Variants in HS6ST3 observed in about 807,000 individuals in gnomAD.
The protein encoded by HS6ST3 is heparan sulfate 6-O-sulfotransferase 3.
In HS6ST3, 12 loss-of-function variants were observed where a neutral mutation model predicts 36.7. That is an observed-to-expected ratio of 0.33 (90% CI 0.21 to 0.53). The LOEUF is 0.53. Among genes scored for constraint, HS6ST3 ranks in the 20% least tolerant of loss-of-function variants. HS6ST3 has a pLI of 0.95. For synonymous variants in HS6ST3, 240 were observed against 257.5 expected, an observed-to-expected ratio of 0.93 and a Z score of 0.65; for missense variants, 584 against 640.9, an observed-to-expected ratio of 0.91 and a Z score of 0.96.
intron 1 of HS6ST3, among the ~76,000 whole-genome samples, chr13:96,766,897 C>CA (rs957526629): frequency 2.6e-5 from 4 of 152,184 alleles, no homozygotes; most frequent in Non-Finnish European, 5.9e-5. Context: ...ATAAAATTAA[C>CA]AAACAGGCTC....
intron 1 of HS6ST3, among the ~76,000 whole-genome samples, chr13:96,198,263 C>T (rs2054323959): frequency 6.6e-6 from 1 of 152,140 alleles, no homozygotes; most frequent in Non-Finnish European, 1.5e-5. Context: ...ACCGCTTTTT[C>T]CTCCTGGGCC....
chr13:96,103,994 GAAAA>G, intron 1 of HS6ST3, among the ~76,000 whole-genome samples: 1 of 149,326 alleles, frequency 6.7e-6, no homozygotes. Flanking sequence ...ACCCTTTTGA[GAAAA>G]TTATCATGAA....
chr13:96,716,693 T>C (rs1184730365), intron 1 of HS6ST3, among the ~76,000 whole-genome samples: 1 of 152,224 alleles, frequency 6.6e-6, no homozygotes, highest in East Asian at 1.9e-4. Flanking sequence ...TCCATCCATC[T>C]ATATAATCTA....
At chr13:96,182,633 C>A (rs1437848675) in intron 1 of HS6ST3, among the ~76,000 whole-genome samples, 2 of 152,102 alleles carry the variant, frequency 1.3e-5, no homozygotes, top group Non-Finnish European at 2.9e-5. Flanking sequence ...TTGTTCAGTA[C>A]CTGTTATGAA....
chr13:96,524,596 C>T (rs557074139), intron 1 of HS6ST3, among the ~76,000 whole-genome samples: 2 of 152,354 alleles, frequency 1.3e-5, no homozygotes, highest in East Asian at 3.9e-4. Context: ...GCAGATGCCC[C>T]TTCCCCCACC....
intron 1 of HS6ST3, among the ~76,000 whole-genome samples, chr13:96,740,346 C>T (rs971393764): frequency 1.3e-5 from 2 of 152,072 alleles, no homozygotes; most frequent in Admixed American, 6.6e-5. Context: ...CACAAAGGCT[C>T]CTCTCTGGAG....
intron 1 of HS6ST3, among the ~76,000 whole-genome samples, chr13:96,438,496 T>G (rs569102196): frequency 6.6e-6 from 1 of 152,326 alleles, no homozygotes; most frequent in Non-Finnish European, 1.5e-5. Context: ...TGGTGTTCTG[T>G]CTCTCTCTAC....
chr13:96,364,702 G>A (rs939447875), intron 1 of HS6ST3, among the ~76,000 whole-genome samples: 4 of 152,208 alleles, frequency 2.6e-5, no homozygotes, highest in African/African-American at 9.6e-5. Context: ...GTTGCATAAT[G>A]TTGTGAATGT....
chr13:96,338,780 C>G (rs1351427314), intron 1 of HS6ST3, among the ~76,000 whole-genome samples: 1 of 152,100 alleles, frequency 6.6e-6, no homozygotes, highest in Non-Finnish European at 1.5e-5. Context: ...CCTTTGGTGC[C>G]CCTTTCTCGT....
At chr13:96,641,549 A>AT (rs1313135430) in intron 1 of HS6ST3, among the ~76,000 whole-genome samples, 2 of 151,562 alleles carry the variant, frequency 1.3e-5, no homozygotes, top group East Asian at 1.9e-4. Context: ...CCATTTTGCT[A>AT]TTTTTTTCTA....
intron 1 of HS6ST3, among the ~76,000 whole-genome samples, chr13:96,133,810 A>G (rs1369730179): frequency 3.3e-5 from 5 of 150,068 alleles, no homozygotes; most frequent in African/African-American, 1.2e-4. Context: ...GACAAAAAAA[A>G]TCATTGTCCA....
intron 1 of HS6ST3, among the ~76,000 whole-genome samples, chr13:96,706,508 C>G (rs888871701): frequency 5.4e-5 from 8 of 148,918 alleles, no homozygotes; most frequent in African/African-American, 2.0e-4. Context: ...TATTGAGGCT[C>G]TCAGGAGGTG....
rs751925902 is a variant in HS6ST3 at position 96,832,953 on chromosome 13, G to A, written c.1171G>A (p.Glu391Lys). ...GCGGGCTTCTAACGTGGAGATCAAC[G>A]AGGGTGCCCGCCAACGCATTGAGGA... ...ITRASNVEIN[E>K]GARQRIEDLN... Residue 391 changes from glutamate (E) to lysine (K), a missense_variant, in exon 2 of 2, where the codon GAG becomes AAG. Glu to Lys is a moderately conservative substitution (Grantham distance 56). Around this residue, in one of 3 missense-constraint regions of HS6ST3, gnomAD observed 360 missense variants for 411.3 expected, o/e 0.88. Transcript: ENST00000376705. 103 of 1,614,024 alleles carry A rather than the reference G, an allele frequency of 6.4e-5. No homozygotes were observed. The highest frequency in any genetic ancestry group is 1.6e-4 in the Middle Eastern group (1 of 6,084).
chr13:96,160,880 G>A (rs1165923481), intron 1 of HS6ST3, among the ~76,000 whole-genome samples: 1 of 152,212 alleles, frequency 6.6e-6, no homozygotes, highest in African/African-American at 2.4e-5. Flanking sequence ...GGCCCTGGGA[G>A]CTTCTCACAA....
intron 1 of HS6ST3, among the ~76,000 whole-genome samples, chr13:96,407,549 A>G (rs142754815): frequency 6.6e-6 from 1 of 152,336 alleles, no homozygotes; most frequent in African/African-American, 2.4e-5. Flanking sequence ...GATAGGTTGT[A>G]TTCACATTGA....
rs369254508 is a variant in HS6ST3, at chr13:96,264,980, A to T, written c.707+173411A>T. ...TGTATCAAATTCCCAACCCAAAGAC[A>T]TTATATAAATATAGAATGACATTGT... is the stretch of plus-strand genomic sequence containing the variant. On this transcript the variant is annotated intron_variant, in intron 1 of 1. Transcript: ENST00000376705. Among the ~76,000 whole-genome samples the T allele has an allele frequency of 3.9e-5, 6 of 152,272 alleles. No homozygotes were observed. In the East Asian group the frequency reaches 1.2e-3, roughly 29 times the overall value.
intron 1 of HS6ST3, among the ~76,000 whole-genome samples, chr13:96,118,688 ATTTTTTTTTTTTTTTTTTT>A (rs149786144): frequency 1.6e-4 from 5 of 31,176 alleles, no homozygotes; most frequent in African/African-American, 6.6e-4. Flanking sequence ...ATATATATAT[ATTTTTTTTTTTTTTTTTTT>A]TTTTTTTTTT....
intron 1 of HS6ST3, among the ~76,000 whole-genome samples, chr13:96,810,155 T>C (rs971976476): frequency 2.6e-5 from 4 of 152,196 alleles, no homozygotes; most frequent in African/African-American, 9.7e-5. Flanking sequence ...CACCCCAGCC[T>C]CCCGGGCAGC....
At chr13:96,728,692 T>A (rs1353406894) in intron 1 of HS6ST3, among the ~76,000 whole-genome samples, 2 of 152,170 alleles carry the variant, frequency 1.3e-5, no homozygotes, top group Non-Finnish European at 2.9e-5. Flanking sequence ...TGGAACCCAG[T>A]CAATGTGGCA....
Sources: allele counts gnomAD v4.1 joint callset (sites outside exome capture counted in the v4.1 genomes callset), GRCh38; gene constraint gnomAD v4.1.1; regional missense constraint gnomAD v4.1.1; transcripts MANE v1.5; gene names NCBI Gene and HGNC (gene_info 2026-07-23, HGNC 2026-07-21).